Variants in BRINP1 observed in about 807,000 individuals in gnomAD.
BRINP1 encodes BMP/retinoic acid inducible neural specific 1.
Under a neutral mutation model 72.9 loss-of-function variants are expected in BRINP1, and 17 were observed. The observed-to-expected ratio is 0.23, with a 90% CI of 0.16 to 0.35. The LOEUF is 0.35. BRINP1 is among the 10% of genes least tolerant of loss of function. BRINP1 has a pLI of 1.00. For synonymous variants in BRINP1, 418 were observed against 378.5 expected (o/e 1.10, Z -1.21); for missense variants, 850 against 1,001.6 (o/e 0.85, Z 2.04).
chr9:119,174,982 A>G (rs1436252518), intron 7 of BRINP1, among the ~76,000 whole-genome samples: 4 of 132,270 alleles, frequency 3.0e-5, no homozygotes, highest in Non-Finnish European at 4.8e-5. Context: ...TGGGGGGAGG[A>G]GGGAGGGATA....
intron 1 of BRINP1, among the ~76,000 whole-genome samples, chr9:119,315,181 T>C (rs1831112753): frequency 6.6e-6 from 1 of 152,214 alleles, no homozygotes; most frequent in South Asian, 2.1e-4. Context: ...TACTTCACTT[T>C]ATTGAGATTT....
chr9:119,303,571 A>G (rs2118986179), intron 2 of BRINP1, among the ~76,000 whole-genome samples: 1 of 152,324 alleles, frequency 6.6e-6, no homozygotes, highest in African/African-American at 2.4e-5. Flanking sequence ...TAGCTTAAAG[A>G]GACCTTGCCA....
intron 7 of BRINP1, among the ~76,000 whole-genome samples, chr9:119,199,190 T>G (rs1002217439): frequency 6.6e-6 from 1 of 152,106 alleles, no homozygotes. Flanking sequence ...TCTAATAAAC[T>G]GAAACTGACT....
At chr9:119,252,728 C>G (rs1332458591) in intron 2 of BRINP1, among the ~76,000 whole-genome samples, 1 of 152,048 alleles carries the variant, frequency 6.6e-6, no homozygotes, top group East Asian at 1.9e-4. Context: ...AGAAAACTGG[C>G]ACCCTGACTC....
rs1829327657 is a variant in BRINP1, at chr9:119,167,306, G to A, written c.2064C>T (p.Ser688=). ...ACAAGAGGAGCATCACTGACGAAGA[G>A]GAATAGAACTGGCCGCCCTGTGTGT... ...QSYTQGGQFY[S]SSSVMLLLLD... is the part of the protein sequence containing the mutation. Residue 688 remains serine, a synonymous_variant, in exon 8 of 8, where the codon TCC becomes TCT. Transcript: ENST00000265922. This position sits in a 1 kb window ranked among gnomAD's most constrained non-coding sequence, Gnocchi z 4.3. 1.2e-6 allele frequency: 2 copies of A among 1,614,144 alleles called. No individual in the cohort carries two copies. Among genetic ancestry groups the A allele is most frequent in the Non-Finnish European group, 1.7e-6 (2 of 1,180,030 alleles).
At chr9:119,352,654 C>A (rs1380956018) in intron 1 of BRINP1, among the ~76,000 whole-genome samples, 1 of 152,144 alleles carries the variant, frequency 6.6e-6, no homozygotes, top group African/African-American at 2.4e-5. Context: ...GTGATCCACC[C>A]ACCTTGACTT....
intron 5 of BRINP1, among the ~76,000 whole-genome samples, chr9:119,230,506 G>C (rs972862210): frequency 6.6e-6 from 1 of 151,972 alleles, no homozygotes; most frequent in African/African-American, 2.4e-5. Flanking sequence ...GCAGAGGGTG[G>C]AGAAGGAATG....
At chr9:119,168,444 A>G (rs1055762634) in intron 7 of BRINP1, among the ~76,000 whole-genome samples, 1 of 152,130 alleles carries the variant, frequency 6.6e-6, no homozygotes, top group Non-Finnish European at 1.5e-5. Context: ...TTACCTTCCT[A>G]ATGTTCAATG....
intron 1 of BRINP1, among the ~76,000 whole-genome samples, chr9:119,332,978 CA>C (rs1412837511): frequency 1.3e-5 from 2 of 152,098 alleles, no homozygotes; most frequent in African/African-American, 4.8e-5. Context: ...GTCAGTGAAG[CA>C]AAGTAACTTG....
chr9:119,369,405 G>T lies in BRINP1; in HGVS notation c.-400C>A, dbSNP rs1012719692. The stretch of plus-strand genomic sequence containing the variant: ...CCGCGCGCCAGATCAGTTTGCAGCC[G>T]TGGGGTCCGGGAGCGAGGCGGCTGG... On this transcript the variant is annotated 5_prime_UTR_variant, in exon 1 of 8. Coordinates refer to ENST00000265922, the MANE Select transcript of BRINP1 (RefSeq NM_014618.3). 2.0e-5 allele frequency: 8 copies of T among 395,864 alleles called. No individual in the cohort carries two copies. Among genetic ancestry groups the T allele is most frequent in the African/African-American group, 1.4e-4 (7 of 48,554 alleles). The allele number at this position is 395,864 out of a possible 1,614,324, so 24.5% of individuals were successfully genotyped here.
Position 119,264,366 on chromosome 9 carries a change from CAATTCTTCTTAAAT to C in BRINP1, c.219-15230_219-15217del, listed in dbSNP as rs1302175827. ...CCCTGATTCTACCTTGACAACCTTACAATTCTTCTTAAATATGACAGCCAGAATTATCTTCTCAA... is the reference window on the plus strand; with the variant it reads ...CCCTGATTCTACCTTGACAACCTTACATGACAGCCAGAATTATCTTCTCAA... On this transcript the variant is annotated intron_variant, in intron 2 of 7. Coordinates refer to ENST00000265922, the MANE Select transcript of BRINP1 (RefSeq NM_014618.3). 2.0e-5 allele frequency among the ~76,000 whole-genome samples: 3 copies of C among 152,362 alleles called. No individual in the cohort carries two copies. In the East Asian group the frequency reaches 5.8e-4, roughly 29 times the overall value.
intron 1 of BRINP1, among the ~76,000 whole-genome samples, chr9:119,331,962 C>T (rs1831303951): frequency 1.3e-5 from 2 of 152,154 alleles, no homozygotes. Context: ...AGGGTAAAAG[C>T]CACTATCTGA....
At chr9:119,360,453 C>T (rs1831617906) in intron 1 of BRINP1, among the ~76,000 whole-genome samples, 1 of 152,194 alleles carries the variant, frequency 6.6e-6, no homozygotes, top group African/African-American at 2.4e-5. Context: ...GGGAAACGTA[C>T]GTACTTACGG....
intron 1 of BRINP1, among the ~76,000 whole-genome samples, chr9:119,323,435 A>T (rs917017798): frequency 6.6e-6 from 1 of 152,218 alleles, no homozygotes; most frequent in Admixed American, 6.5e-5. Context: ...AAACTGGGTG[A>T]GGTTGCTTTC....
intron 2 of BRINP1, chr9:119,283,163 C>A: frequency 1.0e-6 from 1 of 985,134 alleles, no homozygotes. Flanking sequence ...TTTGTTCTTT[C>A]TGGGCCTCCT....
At chr9:119,169,131 G>T (rs2118816101) in intron 7 of BRINP1, among the ~76,000 whole-genome samples, 1 of 152,360 alleles carries the variant, frequency 6.6e-6, no homozygotes, top group East Asian at 1.9e-4. Flanking sequence ...GAGGAGCCAA[G>T]ATGGCCTAAT....
At position 119,182,610 on chromosome 9, in the gene BRINP1, C is replaced by T. The variant is rs1315287226; in HGVS notation, c.1146-14386G>A. 2.0e-5 allele frequency among the ~76,000 whole-genome samples: 3 copies of T among 152,314 alleles called. No homozygotes were observed. In the East Asian group the frequency reaches 5.8e-4, roughly 29 times the overall value. Reference sequence around the variant, plus strand: ...ATGAAACACAAGAGAGACTCCTTGCCTCTTCCAACATGTGAAGACACAGGT... The same window carrying T: ...ATGAAACACAAGAGAGACTCCTTGCTTCTTCCAACATGTGAAGACACAGGT... On this transcript the variant is annotated intron_variant, in intron 7 of 7. Transcript: ENST00000265922.
intron 7 of BRINP1, among the ~76,000 whole-genome samples, chr9:119,200,490 GGTGCACACCT>G (rs1206666535): frequency 2.6e-5 from 4 of 152,076 alleles, no homozygotes; most frequent in Non-Finnish European, 4.4e-5. Flanking sequence ...CAGGTATGGT[GGTGCACACCT>G]GTAGTTCCAG....
At chr9:119,261,204 A>G (rs998166149) in intron 2 of BRINP1, among the ~76,000 whole-genome samples, 4 of 152,202 alleles carry the variant, frequency 2.6e-5, no homozygotes, top group Non-Finnish European at 2.9e-5. Context: ...TCAGAATCCA[A>G]CGGGTGGTTG....
Sources: gnomAD v4.1 joint callset for allele counts (sites outside exome capture counted in the v4.1 genomes callset) on GRCh38, gnomAD v4.1.1 for gene constraint, Gnocchi (gnomAD v3.1) non-coding constraint, MANE v1.5 for transcripts, NCBI Gene and HGNC (gene_info 2026-07-23, HGNC 2026-07-21) for gene names.